Variants in ASTN2 observed in about 807,000 individuals in gnomAD.
ASTN2 encodes astrotactin-2.
Under a neutral mutation model 139.8 loss-of-function variants are expected in ASTN2, and 54 were observed. The ratio of observed to expected loss-of-function variants is 0.39; its 90% CI spans 0.31 to 0.48. The LOEUF is 0.48. ASTN2 is among the 20% of genes least tolerant of loss of function. The pLI is 0.95. For missense variants in ASTN2, 1,565 were observed against 1,725.1 expected (o/e 0.91, Z 1.64); for synonymous variants, 756 against 719.5 (o/e 1.05, Z -0.81).
rs866551525 is a variant in ASTN2 at position 116,571,827 on chromosome 9, G to A, written c.3355+46497C>T. On this transcript the variant is annotated intron_variant, in intron 19 of 22. Transcript: ENST00000313400. ...GTGTGCTTCCCGTGTGTGTGTGACCGTGTCTCTTTGTTATCTGCCTTTCGT... is the reference window on the plus strand; with the variant it reads ...GTGTGCTTCCCGTGTGTGTGTGACCATGTCTCTTTGTTATCTGCCTTTCGT... 3.9e-5 allele frequency among the ~76,000 whole-genome samples: 6 copies of A among 152,132 alleles called. No individual in the cohort carries two copies. The Middle Eastern group carries it at 0.01, about 259-fold the overall frequency.
At chr9:117,081,461 C>T (rs1262388118) in intron 5 of ASTN2, among the ~76,000 whole-genome samples, 1 of 152,162 alleles carries the variant, frequency 6.6e-6, no homozygotes, top group Non-Finnish European at 1.5e-5. Flanking sequence ...TTAAAATAGC[C>T]TCCAACATTC....
intron 4 of ASTN2, among the ~76,000 whole-genome samples, chr9:117,129,358 C>A (rs73657668): frequency 3.3e-5 from 5 of 152,084 alleles, no homozygotes; most frequent in African/African-American, 2.4e-5. Context: ...GTAAAATAAA[C>A]GACTTTCAGA....
At chr9:117,295,750 A>T (rs1460774241) in intron 1 of ASTN2, among the ~76,000 whole-genome samples, 1 of 146,232 alleles carries the variant, frequency 6.8e-6, no homozygotes, top group African/African-American at 2.6e-5. Context: ...TCAGAGAATT[A>T]AAAAAAAAAA....
Position 116,665,063 on chromosome 9 carries a change from C to A in ASTN2, c.2807-13270G>T, listed in dbSNP as rs186910405. On this transcript the variant is annotated intron_variant, in intron 16 of 22. Coordinates refer to ENST00000313400, the MANE Select transcript of ASTN2 (RefSeq NM_001365068.1). ...CCTCTCTCTTTCTTGCTCCCTCTCT[C>A]TTGCCATGTGATACACCTACTCTTC... Among the ~76,000 whole-genome samples, 854 of 152,264 alleles carry A rather than the reference C, an allele frequency of 5.6e-3. 5 individuals are homozygous for A. The highest frequency in any genetic ancestry group is 0.01 in the Middle Eastern group (3 of 294).
In ASTN2 at chr9:117,414,802, G is replaced by C. The variant is rs1208773152; in HGVS notation, c.137C>G (p.Pro46Arg). The change falls in exon 1 of 23, where the codon CCG (proline) becomes CGG (arginine). Residue 46 changes from proline (P) to arginine (R), a missense_variant. This residue lies in a region of ASTN2 where 596 missense variants were observed against 576.8 expected (regional missense o/e 1.03). Coordinates refer to ENST00000313400, the MANE Select transcript of ASTN2 (RefSeq NM_001365068.1). This position sits in a 1 kb window ranked among gnomAD's most constrained non-coding sequence, Gnocchi z 4.2. ...LLFLLLLPPP[P>R]LLAGATAAAS... ...AGCGGCGGTGGCGCCGGCCAGCAGCGGCGGCGGCGGCAGCAGGAGCAGGAA... is the reference window on the plus strand; with the variant it reads ...AGCGGCGGTGGCGCCGGCCAGCAGCCGCGGCGGCGGCAGCAGGAGCAGGAA... 2 of 1,217,864 alleles carry C rather than the reference G, an allele frequency of 1.6e-6. No homozygotes were observed. The highest frequency in any genetic ancestry group is 4.4e-5 in the Admixed American group (1 of 22,822). The allele number at this position is 1,217,864 out of a possible 1,614,324, so 75.4% of individuals were successfully genotyped here.
intron 10 of ASTN2, among the ~76,000 whole-genome samples, chr9:116,932,932 G>A (rs918913777): frequency 6.8e-6 from 1 of 147,164 alleles, no homozygotes; most frequent in African/African-American, 2.5e-5. Flanking sequence ...CTTGAAACCA[G>A]GAGGTGGAGT....
intron 5 of ASTN2, among the ~76,000 whole-genome samples, chr9:117,066,127 C>T (rs1275811979): frequency 7.0e-6 from 1 of 143,016 alleles, no homozygotes; most frequent in Non-Finnish European, 1.5e-5. Flanking sequence ...ACTAACTCGT[C>T]ATCTAGCATT....
At chr9:116,639,012 A>T (rs552208101) in intron 17 of ASTN2, among the ~76,000 whole-genome samples, 1 of 152,324 alleles carries the variant, frequency 6.6e-6, no homozygotes, top group African/African-American at 2.4e-5. Context: ...GGCAGTGTAG[A>T]AGCAGATGTG....
intron 21 of ASTN2, among the ~76,000 whole-genome samples, chr9:116,441,002 G>A (rs1168782361): frequency 1.3e-5 from 2 of 152,156 alleles, no homozygotes; most frequent in East Asian, 3.9e-4. Context: ...TATTCTGGAG[G>A]TGCATTGGGA....
At chr9:116,752,480 G>A (rs567663386) in intron 13 of ASTN2, among the ~76,000 whole-genome samples, 10 of 152,266 alleles carry the variant, frequency 6.6e-5, no homozygotes, top group Non-Finnish European at 2.9e-5. Context: ...TTGATTATGT[G>A]TTTTTAGATA....
chr9:117,261,170 A>C (rs1052689821), intron 2 of ASTN2, among the ~76,000 whole-genome samples: 2 of 152,180 alleles, frequency 1.3e-5, no homozygotes, highest in Non-Finnish European at 2.9e-5. Flanking sequence ...TAAGAAAGTC[A>C]CATTTGAGGG....
chr9:117,207,122 T>C (rs1268169866), intron 3 of ASTN2, among the ~76,000 whole-genome samples: 1 of 152,066 alleles, frequency 6.6e-6, no homozygotes, highest in South Asian at 2.1e-4. Context: ...GAAACAGCCC[T>C]GCAGGCTGCT....
At chr9:116,585,174 C>T (rs1266557445) in intron 19 of ASTN2, 2 of 152,040 alleles carry the variant, frequency 1.3e-5, no homozygotes, top group South Asian at 2.1e-4. Context: ...TTTGGCATAC[C>T]GTTAAGGGCA....
intron 19 of ASTN2, among the ~76,000 whole-genome samples, chr9:116,543,437 CAA>C (rs889238650): frequency 1.9e-4 from 23 of 121,814 alleles, no homozygotes; most frequent in South Asian, 2.7e-4. Context: ...CACCCTGTCT[CAA>C]AAAAAAAAAA....
At chr9:116,889,666 A>G (rs148880049) in intron 10 of ASTN2, among the ~76,000 whole-genome samples, 1 of 150,182 alleles carries the variant, frequency 6.7e-6, no homozygotes, top group Non-Finnish European at 1.5e-5. Flanking sequence ...CAGAAGGATC[A>G]CTTGAGCCAA....
chr9:116,530,213 C>A (rs1450897430), intron 19 of ASTN2, among the ~76,000 whole-genome samples: 1 of 142,698 alleles, frequency 7.0e-6, no homozygotes, highest in Non-Finnish European at 1.5e-5. Flanking sequence ...ATGGATGGAC[C>A]TAGAGGACAT....
intron 13 of ASTN2, among the ~76,000 whole-genome samples, chr9:116,745,206 T>G (rs1437015274): frequency 6.6e-6 from 1 of 152,212 alleles, no homozygotes; most frequent in Non-Finnish European, 1.5e-5. Flanking sequence ...GGTGTTTTCT[T>G]GGCAGAATTG....
At chr9:116,506,830 C>G (rs1379056942) in intron 19 of ASTN2, among the ~76,000 whole-genome samples, 1 of 152,212 alleles carries the variant, frequency 6.6e-6, no homozygotes, top group Non-Finnish European at 1.5e-5. Context: ...CTTACTGACT[C>G]TTCAGCTCCC....
At chr9:116,753,988 C>T (rs1164244157) in intron 13 of ASTN2, among the ~76,000 whole-genome samples, 2 of 142,090 alleles carry the variant, frequency 1.4e-5, no homozygotes, top group East Asian at 4.6e-4. Flanking sequence ...ATGCCCGCTG[C>T]CCCCACCCCC....
Sources: gnomAD v4.1 joint callset for allele counts (sites outside exome capture counted in the v4.1 genomes callset) on GRCh38, gnomAD v4.1.1 for gene constraint, gnomAD v4.1.1 regional missense constraint, Gnocchi (gnomAD v3.1) non-coding constraint, MANE v1.5 for transcripts, NCBI Gene and HGNC (gene_info 2026-07-23, HGNC 2026-07-21) for gene names.